Variants in RBFOX1 observed in about 807,000 individuals in gnomAD.
The protein encoded by RBFOX1 is RNA binding protein fox-1 homolog 1.
A neutral mutation model predicts 57.7 loss-of-function variants in RBFOX1; 8 were observed. The ratio of observed to expected loss-of-function variants is 0.14; its 90% CI spans 0.08 to 0.25. The LOEUF is 0.25. RBFOX1 is among the 10% of genes least tolerant of loss of function. The probability of loss-of-function intolerance (pLI) is 1.00; values close to 1 mark genes in which losing one functional copy is unlikely to be tolerated. For missense variants in RBFOX1, 611 were observed against 548.5 expected, an observed-to-expected ratio of 1.11 and a Z score of -1.14; for synonymous variants, 326 against 222.4, an observed-to-expected ratio of 1.47 and a Z score of -4.15.
intron 3 of RBFOX1, among the ~76,000 whole-genome samples, chr16:5,807,841 C>T (rs895827391): frequency 4.6e-5 from 7 of 152,192 alleles, no homozygotes; most frequent in East Asian, 1.9e-4. Flanking sequence ...GTGATGCCCA[C>T]GCTGCTGGTC....
chr16:5,282,097 A>C (rs113934370), intron 1 of RBFOX1, among the ~76,000 whole-genome samples: 1 of 152,098 alleles, frequency 6.6e-6, no homozygotes, highest in Non-Finnish European at 1.5e-5. Flanking sequence ...TTACCATGCT[A>C]TTCTTTTGAT....
rs185343508 is a variant in RBFOX1 at position 7,397,497 on chromosome 16, G to A, written c.28-120650G>A. Among the ~76,000 whole-genome samples the A allele has an allele frequency of 5.3e-4, 80 of 152,244 alleles. 1 individual carries two copies. The highest frequency in any genetic ancestry group is 1.7e-3 in the African/African-American group (71 of 41,556). ...TAGAAACATAGATCCACATAAAAATGAAAAGAACCCACTGGTGACAGAGGG... is the reference window on the plus strand; with the variant it reads ...TAGAAACATAGATCCACATAAAAATAAAAAGAACCCACTGGTGACAGAGGG... On this transcript the variant is annotated intron_variant, in intron 4 of 15. Coordinates refer to ENST00000550418, the MANE Select transcript of RBFOX1 (RefSeq NM_018723.4).
intron 4 of RBFOX1, among the ~76,000 whole-genome samples, chr16:7,221,549 T>C (rs1345331173): frequency 6.6e-6 from 1 of 152,032 alleles, no homozygotes; most frequent in Admixed American, 6.6e-5. Context: ...GTATTTTTAG[T>C]AGAGAAGGGG....
intron 9 of RBFOX1, among the ~76,000 whole-genome samples, chr16:7,600,894 G>T (rs536951741): frequency 1.3e-5 from 2 of 152,178 alleles, no homozygotes; most frequent in African/African-American, 2.4e-5. Flanking sequence ...AGAATGAGCC[G>T]TAGGCTTCTG....
At chr16:6,841,743 T>A (rs1439962423) in intron 3 of RBFOX1, among the ~76,000 whole-genome samples, 1 of 152,118 alleles carries the variant, frequency 6.6e-6, no homozygotes, top group African/African-American at 2.4e-5. Flanking sequence ...TGGTCCCACC[T>A]CTACTTAAAC....
At position 5,957,782 on chromosome 16, in the gene RBFOX1, C is replaced by A. The variant is rs759851524; in HGVS notation, c.351+90447C>A. On this transcript the variant is annotated intron_variant, in intron 4 of 19. Coordinates refer to the RBFOX1 transcript ENST00000641259. ...TCACATCATGGAGTGTGGGGGTCTC[C>A]ATCCCTTTGAGCATTGATCCTTTGT... is the stretch of plus-strand genomic sequence containing the variant. Among the ~76,000 whole-genome samples the A allele has an allele frequency of 7.4e-4, 112 of 152,126 alleles. 1 individual carries two copies. Among genetic ancestry groups the A allele is most frequent in the Non-Finnish European group, 1.5e-3 (99 of 68,038 alleles).
intron 1 of RBFOX1, among the ~76,000 whole-genome samples, chr16:5,464,639 C>T (rs550685947): frequency 3.2e-4 from 49 of 152,276 alleles, no homozygotes; most frequent in East Asian, 7.8e-4. Context: ...TAGGGCGCCA[C>T]GAGAGGCCTC....
At chr16:6,590,203 A>G (rs1567795423) in intron 2 of RBFOX1, among the ~76,000 whole-genome samples, 1 of 152,190 alleles carries the variant, frequency 6.6e-6, no homozygotes, top group African/African-American at 2.4e-5. Context: ...CTTGTTTAGA[A>G]TTTCAAGAGC....
chr16:7,313,943 C>T (rs8063175), intron 4 of RBFOX1, among the ~76,000 whole-genome samples: 2 of 152,118 alleles, frequency 1.3e-5, no homozygotes, highest in Non-Finnish European at 2.9e-5. Context: ...AAGAATAGCT[C>T]CAATTGATGG....
chr16:7,112,198 A>T (rs76077149), intron 4 of RBFOX1, among the ~76,000 whole-genome samples: 2,293 of 152,234 alleles, frequency 0.015, 57 homozygotes, highest in African/African-American at 0.053. Flanking sequence ...TCCATCTTGT[A>T]CATAGTCAGC....
chr16:6,920,127 T>A (rs1351484606), intron 3 of RBFOX1, among the ~76,000 whole-genome samples: 1 of 152,236 alleles, frequency 6.6e-6, no homozygotes, highest in Non-Finnish European at 1.5e-5. Context: ...TTCCATTTTA[T>A]GGCTGAGTCA....
intron 4 of RBFOX1, among the ~76,000 whole-genome samples, chr16:7,123,969 C>G (rs985058673): frequency 6.6e-6 from 1 of 152,136 alleles, no homozygotes; most frequent in Non-Finnish European, 1.5e-5. Context: ...AGTGACTATT[C>G]TTCTACATAG....
At chr16:7,643,903 A>G (rs960006823) in intron 11 of RBFOX1, among the ~76,000 whole-genome samples, 12 of 152,182 alleles carry the variant, frequency 7.9e-5, no homozygotes, top group South Asian at 2.1e-4. Context: ...TCCCCCAACA[A>G]GAAGCATATT....
At chr16:7,056,468 C>G (rs1233535075) in intron 4 of RBFOX1, among the ~76,000 whole-genome samples, 1 of 152,164 alleles carries the variant, frequency 6.6e-6, no homozygotes, top group African/African-American at 2.4e-5. Flanking sequence ...CCAGCTTGTT[C>G]TAGCATCAGC....
chr16:5,260,453 A>G (rs903129935), intron 1 of RBFOX1, among the ~76,000 whole-genome samples: 6 of 152,262 alleles, frequency 3.9e-5, no homozygotes, highest in Non-Finnish European at 7.3e-5. Context: ...AATGCTGTGT[A>G]AATTTATCAG....
chr16:5,648,277 C>A (rs1040270876), intron 3 of RBFOX1, among the ~76,000 whole-genome samples: 5 of 152,190 alleles, frequency 3.3e-5, no homozygotes, highest in African/African-American at 1.2e-4. Flanking sequence ...CCTCAGTTTT[C>A]ACATCTGGGC....
chr16:7,539,535 G>T (rs1436660592), intron 5 of RBFOX1, among the ~76,000 whole-genome samples: 1 of 152,200 alleles, frequency 6.6e-6, no homozygotes, highest in Non-Finnish European at 1.5e-5. Flanking sequence ...CAGATAATGT[G>T]TTTCCTCATG....
chr16:5,961,465 G>T (rs1190134095), intron 4 of RBFOX1, among the ~76,000 whole-genome samples: 2 of 145,834 alleles, frequency 1.4e-5, no homozygotes, highest in African/African-American at 5.1e-5. Context: ...GTCTCCCTTT[G>T]TGCTCTTTTG....
chr16:7,137,761 A>C (rs918880165), intron 4 of RBFOX1, among the ~76,000 whole-genome samples: 1 of 152,188 alleles, frequency 6.6e-6, no homozygotes, highest in Non-Finnish European at 1.5e-5. Flanking sequence ...ACATTATGCA[A>C]CAGTCCCTAC....
Sources: allele counts gnomAD v4.1 joint callset (sites outside exome capture counted in the v4.1 genomes callset), GRCh38; gene constraint gnomAD v4.1.1; transcripts MANE v1.5; gene names NCBI Gene and HGNC (gene_info 2026-07-23, HGNC 2026-07-21).